TNS1: variants seen among roughly 807,000 people sequenced by gnomAD.
The protein encoded by TNS1 is tensin-1.
A neutral mutation model predicts 168.6 loss-of-function variants in TNS1; 62 were observed. The ratio of observed to expected loss-of-function variants is 0.37; its 90% CI spans 0.30 to 0.45. The LOEUF is 0.45. Among genes scored for constraint, TNS1 ranks in the 20% least tolerant of loss-of-function variants. The pLI is 1.00. For missense variants in TNS1, 2,240 were observed against 2,339.4 expected (o/e 0.96, Z 0.88); for synonymous variants, 934 against 933.2 (o/e 1.00, Z -0.02).
At chr2:217,809,553 A>G (rs1440893760) in intron 30 of TNS1, among the ~76,000 whole-genome samples, 1 of 72,830 alleles carries the variant, frequency 1.4e-5, no homozygotes, top group Non-Finnish European at 2.7e-5. Flanking sequence ...GGATGGATGG[A>G]TGGATGGATG....
At position 217,924,923 on chromosome 2, in the gene TNS1, T is replaced by G. The variant is rs1351653002; in HGVS notation, c.187-4687A>C. The stretch of plus-strand genomic sequence containing the variant: ...GATCAGTCTCATCATAAGACCTGGG[T>G]TGTCTCATCATGGTATTTCAGGTGA... On this transcript the variant is annotated intron_variant, in intron 3 of 32. Coordinates refer to ENST00000682258, the MANE Select transcript of TNS1 (RefSeq NM_001387777.1). Among the ~76,000 whole-genome samples the G allele has an allele frequency of 2.6e-5, 4 of 152,302 alleles. No individual in the cohort carries two copies. In the East Asian group the frequency reaches 7.7e-4, roughly 29 times the overall value.
rs1958903633 is a variant in TNS1 at position 218,032,062 on chromosome 2, G to A, written c.156+1758C>T. ...GCTTGGCTGGAGGACTCAGGAGGGT[G>A]CCAAGCCCCAACCTCTTGCTCCTGA... is the stretch of plus-strand genomic sequence containing the variant. On this transcript the variant is annotated intron_variant, in intron 1 of 1. Coordinates refer to the TNS1 transcript ENST00000649572. The surrounding 1 kb of genome is among the most constrained non-coding windows in gnomAD (Gnocchi z 4.0). 6.6e-6 allele frequency among the ~76,000 whole-genome samples: 1 copy of A among 152,226 alleles called. No individual in the cohort carries two copies. The highest frequency in any genetic ancestry group is 1.5e-5 in the Non-Finnish European group (1 of 68,032).
At chr2:217,964,895 G>A (rs974808911) in intron 3 of TNS1, among the ~76,000 whole-genome samples, 53 of 152,220 alleles carry the variant, frequency 3.5e-4, no homozygotes, top group Non-Finnish European at 4.9e-4. Flanking sequence ...ACGGCCCCCC[G>A]CTAACATCCC....
Position 217,799,887 on chromosome 2 carries a change from A to C in TNS1, c.*4572T>G, listed in dbSNP as rs552525811. On this transcript the variant is annotated 3_prime_UTR_variant, in exon 33 of 33. Coordinates refer to ENST00000682258, the MANE Select transcript of TNS1 (RefSeq NM_001387777.1). ...GTGGGGACGCGTCAGTGTACAATAC[A>C]TTCATGTCCAGGATAAGGAGCATAC... The C allele has an allele frequency of 6.6e-6, 1 of 152,230 alleles. No homozygotes were observed. The highest frequency in any genetic ancestry group is 1.9e-4 in the East Asian group (1 of 5,206). The allele number at this position is 152,230 out of a possible 1,614,324, so 9.4% of individuals were successfully genotyped here.
chr2:218,007,536 G>C (rs955044736), upstream of TNS1, among the ~76,000 whole-genome samples: 1 of 130,470 alleles, frequency 7.7e-6, no homozygotes, highest in Non-Finnish European at 1.6e-5. Flanking sequence ...CTCTCCACTC[G>C]CCTAAGGGCT....
intron 3 of TNS1, among the ~76,000 whole-genome samples, chr2:217,924,663 C>T (rs1474723782): frequency 6.6e-6 from 1 of 152,190 alleles, no homozygotes; most frequent in Non-Finnish European, 1.5e-5. Context: ...TTGTCATACA[C>T]CTGATCTCTC....
At chr2:217,936,110 C>T (rs539278848) in intron 3 of TNS1, among the ~76,000 whole-genome samples, 5 of 152,212 alleles carry the variant, frequency 3.3e-5, no homozygotes, top group Non-Finnish European at 7.3e-5. Context: ...TCTCTGCACT[C>T]ACCAGGCCAC....
At chr2:217,925,459 A>G (rs570865029) in intron 3 of TNS1, among the ~76,000 whole-genome samples, 38 of 152,166 alleles carry the variant, frequency 2.5e-4, no homozygotes, top group African/African-American at 8.9e-4. Context: ...AAGCTTGCCC[A>G]GCCCTCCAAA....
intron 6 of TNS1, among the ~76,000 whole-genome samples, chr2:217,902,376 C>T (rs1953106325): frequency 6.6e-6 from 1 of 152,136 alleles, no homozygotes; most frequent in Non-Finnish European, 1.5e-5. Context: ...AACTGGAAGC[C>T]ACAACGGTAG....
chr2:217,872,659 C>T (rs898358417), intron 18 of TNS1, among the ~76,000 whole-genome samples: 1 of 152,208 alleles, frequency 6.6e-6, no homozygotes, highest in Non-Finnish European at 1.5e-5. Flanking sequence ...AATGATGACA[C>T]AGGTGATCCA....
rs547265444 is a variant in TNS1, at chr2:217,849,090, G to T, written c.1430-3C>A. The T allele has an allele frequency of 6.2e-7, 1 of 1,608,088 alleles. No homozygotes were observed. Among genetic ancestry groups the T allele is most frequent in the African/African-American group, 1.3e-5 (1 of 74,904 alleles). On this transcript the variant is annotated splice_polypyrimidine_tract_variant and splice_region_variant and intron_variant, in intron 18 of 32. Coordinates refer to ENST00000682258, the MANE Select transcript of TNS1 (RefSeq NM_001387777.1). ...CCCCTGCGTGTGTCCCACCACCTCT[G>T]CAAGGGACAGAGCCGGAGGGGAGAC...
chr2:217,997,593 C>A (rs1248472788), intron 1 of TNS1, among the ~76,000 whole-genome samples: 1 of 152,206 alleles, frequency 6.6e-6, no homozygotes, highest in Non-Finnish European at 1.5e-5. Flanking sequence ...TTTTCCCAGT[C>A]GCTCTTTCTT....
At chr2:217,942,014 T>G (rs769163559) in intron 3 of TNS1, among the ~76,000 whole-genome samples, 1 of 152,124 alleles carries the variant, frequency 6.6e-6, no homozygotes, top group Non-Finnish European at 1.5e-5. Flanking sequence ...TCTGAACCCA[T>G]AAGCATCCCA....
chr2:218,001,496 C>A (rs562266679), intron 1 of TNS1, among the ~76,000 whole-genome samples: 18 of 152,214 alleles, frequency 1.2e-4, no homozygotes, highest in Middle Eastern at 3.4e-3. Flanking sequence ...TCTTGTGTCA[C>A]CCCTGGACGT....
At chr2:217,857,254 C>T (rs1948248939) in intron 18 of TNS1, among the ~76,000 whole-genome samples, 1 of 152,174 alleles carries the variant, frequency 6.6e-6, no homozygotes, top group African/African-American at 2.4e-5. Flanking sequence ...GCTTTTAGAG[C>T]TGAAGGGCCT....
At chr2:217,815,062 A>C in intron 24 of TNS1, 64 bp from the exon 25 acceptor site, 1 of 1,336,380 alleles carries the variant, frequency 7.5e-7, no homozygotes, top group Non-Finnish European at 1.1e-6. Flanking sequence ...ACATACATCA[A>C]AGTCCTGGCC....
intron 1 of TNS1, among the ~76,000 whole-genome samples, chr2:218,027,969 G>A (rs945829544): frequency 6.6e-6 from 1 of 152,190 alleles, no homozygotes; most frequent in African/African-American, 2.4e-5. Flanking sequence ...GGCAGGAAGA[G>A]GTGGGTAAAG....
chr2:217,992,488 C>A (rs1250572784), intron 1 of TNS1: 1 of 152,234 alleles, frequency 6.6e-6, no homozygotes, highest in Non-Finnish European at 1.5e-5. Context: ...CACAAGCCAG[C>A]GTGTCTAGGA....
chr2:217,887,226 G>A (rs1165175135), intron 12 of TNS1, among the ~76,000 whole-genome samples: 1 of 152,234 alleles, frequency 6.6e-6, no homozygotes, highest in African/African-American at 2.4e-5. Flanking sequence ...CCCTCTCTCT[G>A]TATCCTTGAG....
Sources: gnomAD v4.1 joint callset for allele counts (sites outside exome capture counted in the v4.1 genomes callset) on GRCh38, gnomAD v4.1.1 for gene constraint, Gnocchi (gnomAD v3.1) non-coding constraint, MANE v1.5 for transcripts, NCBI Gene and HGNC (gene_info 2026-07-23, HGNC 2026-07-21) for gene names.